ODAD3: variants seen among roughly 807,000 people sequenced by gnomAD.
The protein encoded by ODAD3 is outer dynein arm-docking complex subunit 3.
Under a neutral mutation model 70.9 loss-of-function variants are expected in ODAD3, and 57 were observed. The observed-to-expected ratio is 0.80, with a 90% CI of 0.65 to 1.00. The LOEUF is 1.00. ODAD3 is among the 50% of genes least tolerant of loss of function. The pLI is 0.00. For missense variants in ODAD3, 797 were observed against 763.9 expected, an observed-to-expected ratio of 1.04 and a Z score of -0.51; for synonymous variants, 327 against 315.9, an observed-to-expected ratio of 1.04 and a Z score of -0.37.
In ODAD3 at chr19:11,430,795, A is replaced by G. The variant is rs1202851330; in HGVS notation, c.367-19T>C. ...CATCTCCCTGCAAGGAGGGAAGTCCAGTCACCTTTCAGCATGCCACCTCCA... is the reference window on the plus strand; with the variant it reads ...CATCTCCCTGCAAGGAGGGAAGTCCGGTCACCTTTCAGCATGCCACCTCCA... On this transcript the variant is annotated intron_variant, in intron 2 of 12. Transcript: ENST00000356392. The G allele has an allele frequency of 5.6e-6, 9 of 1,613,940 alleles. No homozygotes were observed. In the Admixed American group the frequency reaches 1.0e-4, roughly 18 times the overall value.
rs1464274453 is a variant in ODAD3, at chr19:11,430,690, TG to T, written c.444+8del. ...AATGAAGGAGGAGGTGGGGCGAGGG[TG>T]GGCAAACCTGTCCTGTCCTGTTCTT... On this transcript the variant is annotated splice_region_variant and intron_variant, in intron 3 of 12. Coordinates refer to ENST00000356392, the MANE Select transcript of ODAD3 (RefSeq NM_145045.5). 6.2e-7 allele frequency: 1 copy of T among 1,613,560 alleles called. No homozygotes were observed. Among genetic ancestry groups the T allele is most frequent in the African/African-American group, 1.3e-5 (1 of 74,782 alleles).
intron 8 of ODAD3, among the ~76,000 whole-genome samples, chr19:11,423,426 G>A (rs1370379043): frequency 1.3e-5 from 2 of 152,150 alleles, no homozygotes; most frequent in Admixed American, 1.3e-4. Context: ...GGGACACAGC[G>A]GTCTTAGAAT....
rs773225513 is a variant in ODAD3, at chr19:11,423,881, G to C, written c.1112C>G (p.Thr371Arg). Residue 371 changes from threonine (T) to arginine (R), a missense_variant, in exon 8 of 13, where the codon ACG (threonine) becomes AGG (arginine). Thr to Arg is a moderately conservative substitution (Grantham distance 71). Coordinates refer to ENST00000356392, the MANE Select transcript of ODAD3 (RefSeq NM_145045.5). ...KVKDATGTDETHSLVRRFLAQ... is the reference protein window; with the variant it reads ...KVKDATGTDERHSLVRRFLAQ... ...AGGGCTGCGGGCAGAACTCACGTGCGTCTCGTCAGTGCCAGTGGCGTCCTT... is the reference window on the plus strand; with the variant it reads ...AGGGCTGCGGGCAGAACTCACGTGCCTCTCGTCAGTGCCAGTGGCGTCCTT... The C allele has an allele frequency of 6.2e-7, 1 of 1,609,640 alleles. No individual in the cohort carries two copies. The highest frequency in any genetic ancestry group is 8.5e-7 in the Non-Finnish European group (1 of 1,178,400).
At chr19:11,430,479 G>A (rs1969479271) in intron 3 of ODAD3, 1 of 577,290 alleles carries the variant, frequency 1.7e-6, no homozygotes, top group Admixed American at 3.1e-5. Context: ...ATTAGGATAT[G>A]AGCTGTTTTT....
intron 7 of ODAD3, among the ~76,000 whole-genome samples, chr19:11,425,535 G>A (rs1428260365): frequency 1.5e-5 from 2 of 136,318 alleles, no homozygotes; most frequent in African/African-American, 3.1e-5. Flanking sequence ...ATGTATATAT[G>A]TGTGTATGTA....
At chr19:11,429,241 C>T (rs1599465256) in intron 3 of ODAD3, among the ~76,000 whole-genome samples, 1 of 151,190 alleles carries the variant, frequency 6.6e-6, no homozygotes, top group African/African-American at 2.4e-5. Flanking sequence ...GACAGAGTCT[C>T]GCTCTGTCAC....
intron 1 of ODAD3, 51 bp downstream of exon 1, chr19:11,434,722 G>A: frequency 3.2e-6 from 5 of 1,550,616 alleles, no homozygotes; most frequent in Non-Finnish European, 4.4e-6. Context: ...CATGAAGATT[G>A]GATGGGCACT....
chr19:11,430,481 G>C, intron 3 of ODAD3: 1 of 580,584 alleles, frequency 1.7e-6, no homozygotes, highest in Non-Finnish European at 3.1e-6. Context: ...TAGGATATGA[G>C]CTGTTTTTAG....
chr19:11,424,734 T>C (rs1969233810), intron 7 of ODAD3, among the ~76,000 whole-genome samples: 2 of 4 alleles, frequency 0.5, no homozygotes, highest in Non-Finnish European at 0.5. Context: ...TGTATATATG[T>C]ATATATGTGT....
rs1334751788 is a variant in ODAD3, at chr19:11,421,928, G to A, written c.1435-96C>T. On this transcript the variant is annotated intron_variant, in intron 10 of 12. Coordinates refer to ENST00000356392, the MANE Select transcript of ODAD3 (RefSeq NM_145045.5). ...GCTTTTCTTTCGGGGGCGGGGCCTA[G>A]GAGGTAAGGGCCCACCTGCAGGGTC... 2.8e-6 allele frequency: 4 copies of A among 1,403,738 alleles called. No individual in the cohort carries two copies. The East Asian group carries it at 7.0e-5, about 24-fold the overall frequency. 87.0% of individuals were successfully genotyped at this position (1,403,738 alleles called of 1,614,324 possible). A position where few individuals can be genotyped will look rare whatever the true frequency, so the allele number is the denominator to read the frequency against.
At chr19:11,428,018 A>T (rs1969422221) in intron 3 of ODAD3, among the ~76,000 whole-genome samples, 1 of 151,580 alleles carries the variant, frequency 6.6e-6, no homozygotes, top group South Asian at 2.1e-4. Flanking sequence ...AAGAATGGCG[A>T]GAACCCGGGA....
chr19:11,421,710 C>A lies in ODAD3; in HGVS notation c.1557G>T (p.Val519=), dbSNP rs779209740. Residue 519 remains valine (V), a synonymous_variant, in exon 11 of 13, where the codon GTG becomes GTT. Coordinates refer to ENST00000356392, the MANE Select transcript of ODAD3 (RefSeq NM_145045.5). ...TAGCGATGTGGCACAGCATCTCCTG[C>A]ACGTCGTGGCCCTGGAGCTGCGCCT... ...KLQAQLQGHD[V]QEMLCHIANR... 6.2e-7 allele frequency: 1 copy of A among 1,613,306 alleles called. No homozygotes were observed. Among genetic ancestry groups the A allele is most frequent in the Non-Finnish European group, 8.5e-7 (1 of 1,179,936 alleles).
chr19:11,424,476 G>A lies in ODAD3; in HGVS notation c.964-447C>T, dbSNP rs1036919031. On this transcript the variant is annotated intron_variant, in intron 7 of 12. Transcript: ENST00000356392. ...ATAATTAGTCTGAGCGACAGAGACC[G>A]TGTCTCAAAAAAAAATCCATATATA... 3.8e-4 allele frequency among the ~76,000 whole-genome samples: 56 copies of A among 147,646 alleles called. 1 individual carries two copies. The highest frequency in any genetic ancestry group is 3.8e-3 in the Admixed American group (55 of 14,644).
upstream of ODAD3, chr19:11,435,718 C>G (rs1348991751): frequency 2.3e-6 from 3 of 1,327,964 alleles, no homozygotes; most frequent in African/African-American, 3.0e-5. Flanking sequence ...TAGGTGTGAA[C>G]GAGCGGGTGG....
intron 7 of ODAD3, among the ~76,000 whole-genome samples, chr19:11,425,046 T>C (rs912888068): frequency 5.4e-5 from 7 of 128,846 alleles, no homozygotes; most frequent in Non-Finnish European, 9.2e-5. Context: ...TACATATGTG[T>C]ATATATGTGT....
At chr19:11,424,951 ATG>A (rs1405021141) in intron 7 of ODAD3, among the ~76,000 whole-genome samples, 1,709 of 122,848 alleles carry the variant, frequency 0.014, 110 homozygotes, top group Middle Eastern at 0.026. Context: ...ATATGTGTAT[ATG>A]TACATATGTG....
Position 11,422,705 on chromosome 19 carries a change from C to G in ODAD3, c.1273G>C (p.Val425Leu). ...DLKYSGEATL[V>L]SQQKLQAEAQ... is the part of the protein sequence containing the mutation. ...CCCAGAGCCCCGGTGCCTCACCTCA[C>G]CAGCGTGGCCTCCCCCGAGTACTTG... The change falls in exon 9 of 13, where the codon GTG (valine) becomes CTG (leucine). Residue 425 changes from valine (V) to leucine (L), a missense_variant. Physicochemically the swap from Val to Leu is conservative, Grantham distance 32. Transcript: ENST00000356392. The surrounding 1 kb of genome is among the most constrained non-coding windows in gnomAD (Gnocchi z 4.6). 1 of 1,612,420 alleles carries G rather than the reference C, an allele frequency of 6.2e-7. No individual in the cohort carries two copies. Among genetic ancestry groups the G allele is most frequent in the African/African-American group, 1.3e-5 (1 of 75,062 alleles).
rs775462749 is a variant in ODAD3, at chr19:11,425,013, GTATA to G, written c.964-988_964-985del. On this transcript the variant is annotated intron_variant, in intron 7 of 12. Transcript: ENST00000356392. ...TACATATGTGTATATGTATATATGT[GTATA>G]TATACATATGTGCATATATACATAT... Among the ~76,000 whole-genome samples, 191 of 129,546 alleles carry G rather than the reference GTATA, an allele frequency of 1.5e-3. 22 individuals are homozygous for G. In the East Asian group the frequency reaches 0.039, roughly 27 times the overall value. 85.0% of individuals were successfully genotyped at this position (129,546 alleles called of 152,430 possible). A position where few individuals can be genotyped will look rare whatever the true frequency, so the allele number is the denominator to read the frequency against.
chr19:11,422,380 G>T lies in ODAD3; in HGVS notation c.1434+91C>A. ...AGGATGTGGCAGGCCACGTTCCCTC[G>T]GGCAAGCTGGTGTGGCAGGAACCCC... is the stretch of plus-strand genomic sequence containing the variant. On this transcript the variant is annotated intron_variant, in intron 10 of 12. Transcript: ENST00000356392. This position sits in a 1 kb window ranked among gnomAD's most constrained non-coding sequence, Gnocchi z 4.6. 1 of 1,420,206 alleles carries T rather than the reference G, an allele frequency of 7.0e-7. No homozygotes were observed. Among genetic ancestry groups the T allele is most frequent in the South Asian group, 1.5e-5 (1 of 68,482 alleles). The allele number at this position is 1,420,206 out of a possible 1,614,324, so 88.0% of individuals were successfully genotyped here. A position where few individuals can be genotyped will look rare whatever the true frequency, so the allele number is the denominator to read the frequency against.
Sources: allele counts gnomAD v4.1 joint callset (sites outside exome capture counted in the v4.1 genomes callset), GRCh38; gene constraint gnomAD v4.1.1; non-coding constraint Gnocchi (gnomAD v3.1); transcripts MANE v1.5; gene names NCBI Gene and HGNC (gene_info 2026-07-23, HGNC 2026-07-21).